Variants in XIAP observed in about 807,000 individuals in gnomAD.
The protein encoded by XIAP is X-linked inhibitor of apoptosis.
Under a neutral mutation model 33.1 loss-of-function variants are expected in XIAP, and 3 were observed. The ratio of observed to expected loss-of-function variants is 0.09; its 90% confidence interval spans 0.04 to 0.23. The LOEUF is 0.23. Among genes scored for constraint, XIAP ranks in the 10% least tolerant of loss-of-function variants. The probability of loss-of-function intolerance (pLI) is 1.00; values close to 1 mark genes in which losing one functional copy is unlikely to be tolerated. For missense variants in XIAP, 264 were observed against 363.0 expected, an observed-to-expected ratio of 0.73 and a Z score of 2.22; for synonymous variants, 98 against 121.3, an observed-to-expected ratio of 0.81 and a Z score of 1.26.
At chrX:123,905,661 T>A (rs1164664813) in intron 6 of XIAP, among the ~76,000 whole-genome samples, 1 of 112,447 alleles carries the variant, frequency 8.9e-6, no homozygotes, top group African/African-American at 3.2e-5. Flanking sequence ...CCCTAGTACC[T>A]AGAACCTAGT....
At chrX:123,864,455 GTTTTT>G (rs1162636021) in intron 1 of XIAP, among the ~76,000 whole-genome samples, 129 of 49,582 alleles carry the variant, frequency 2.6e-3, no homozygotes, top group African/African-American at 9.9e-3. Context: ...CCTTTCTTCT[GTTTTT>G]TTTTTTTTTT....
In XIAP at chrX:123,892,650, A is replaced by G. The variant is rs146811383; in HGVS notation, c.1057-81A>G. 4.3e-4 allele frequency: 356 copies of G among 833,957 alleles called. 1 individual carries two copies. In the African/African-American group the frequency reaches 6.5e-3, roughly 15 times the overall value. 68.7% of individuals were successfully genotyped at this position (833,957 alleles called of 1,213,427 possible). A position where few individuals can be genotyped will look rare whatever the true frequency, so the allele number is the denominator to read the frequency against. On this transcript the variant is annotated intron_variant, in intron 4 of 6. Transcript: ENST00000371199. ...AATAAAGCCAATTTATTTTAAATTTATGATTAATTTCACTTTTCAAATGGA... is the reference window on the plus strand; with the variant it reads ...AATAAAGCCAATTTATTTTAAATTTGTGATTAATTTCACTTTTCAAATGGA...
chrX:123,859,798 A>G (rs1248583782), upstream of XIAP: 5 of 233,415 alleles, frequency 2.1e-5, no homozygotes, highest in African/African-American at 1.5e-4. Context: ...TAGGGGTTGC[A>G]AGGGCCTCAT....
chrX:123,879,606 C>T (rs28382717), intron 1 of XIAP, among the ~76,000 whole-genome samples: 1 of 108,602 alleles, frequency 9.2e-6, no homozygotes, highest in East Asian at 3.0e-4. Context: ...TGAGCCACCG[C>T]GCCTGGCCAG....
chrX:123,864,464 T>TG (rs1444902118), intron 1 of XIAP, among the ~76,000 whole-genome samples: 2 of 88,041 alleles, frequency 2.3e-5, no homozygotes, highest in South Asian at 5.9e-4. Flanking sequence ...TGTTTTTTTT[T>TG]TTTTTTTTTT....
chrX:123,892,402 T>C (rs2053416474), intron 4 of XIAP, among the ~76,000 whole-genome samples: 1 of 110,454 alleles, frequency 9.1e-6, no homozygotes, highest in Non-Finnish European at 1.9e-5. Flanking sequence ...AATAAATTGA[T>C]AGGATGAATT....
rs764022189 is a variant in XIAP, at chrX:123,864,410, G to A, written c.-33+4117G>A. 6.6e-5 allele frequency among the ~76,000 whole-genome samples: 7 copies of A among 106,433 alleles called. No individual in the cohort carries two copies. In the South Asian group the frequency reaches 2.9e-3, roughly 44 times the overall value. 92.4% of individuals were successfully genotyped at this position (106,433 alleles called of 115,157 possible). A position where few individuals can be genotyped will look rare whatever the true frequency, so the allele number is the denominator to read the frequency against. On this transcript the variant is annotated intron_variant, in intron 1 of 6. Transcript: ENST00000371199. ...TTCCAGGCATTCATTGTAGTATGTG[G>A]TAGGATTCCAAGGATAAATATGGCA... is the stretch of plus-strand genomic sequence containing the variant.
intron 1 of XIAP, among the ~76,000 whole-genome samples, chrX:123,865,450 G>T (rs1032164902): frequency 9.0e-6 from 1 of 110,682 alleles, no homozygotes; most frequent in African/African-American, 3.3e-5. Context: ...TTTTAAGGCC[G>T]GGCGTGGTGG....
At chrX:123,906,965 A>G in intron 6 of XIAP, 23 bp from the exon 7 acceptor site, 4 of 1,207,909 alleles carry the variant, frequency 3.3e-6, no homozygotes, top group South Asian at 3.5e-5. Flanking sequence ...TAAAACTAGC[A>G]TAATTATTTT....
At chrX:123,867,802 T>C (rs2053157715) in intron 1 of XIAP, among the ~76,000 whole-genome samples, 1 of 107,365 alleles carries the variant, frequency 9.3e-6, no homozygotes, top group Non-Finnish European at 1.9e-5. Context: ...GCCTCCCAAG[T>C]AGCTGGGATT....
Position 123,909,917 on chromosome X carries a change from A to T in XIAP, c.*2736A>T, listed in dbSNP as rs12836462. On this transcript the variant is annotated 3_prime_UTR_variant, in exon 7 of 7. Transcript: ENST00000371199. ...GATCTTTTCCATCTAATTCCGCAAA[A>T]ATTGATCATTTGCAAAGTCAAAACT... The T allele has an allele frequency of 9.1e-6, 3 of 329,442 alleles. No individual in the cohort carries two copies. Among genetic ancestry groups the T allele is most frequent in the Non-Finnish European group, 1.8e-5 (3 of 169,924 alleles). 27.1% of individuals were successfully genotyped at this position (329,442 alleles called of 1,213,427 possible).
chrX:123,875,376 G>A (rs1251125185), intron 1 of XIAP, among the ~76,000 whole-genome samples: 10 of 111,092 alleles, frequency 9.0e-5, no homozygotes, highest in Non-Finnish European at 1.7e-4. Context: ...AACTAGAATG[G>A]ATGGTTCAAG....
chrX:123,861,867 T>C (rs1474594), intron 1 of XIAP, among the ~76,000 whole-genome samples: 42,204 of 110,338 alleles, frequency 0.38, 6,153 homozygotes, highest in African/African-American at 0.48. Context: ...CTTGTATTGC[T>C]CTCTCCTAAT....
At chrX:123,893,661 C>T (rs1008174276) in intron 5 of XIAP, among the ~76,000 whole-genome samples, 2 of 111,258 alleles carry the variant, frequency 1.8e-5, no homozygotes, top group African/African-American at 6.5e-5. Flanking sequence ...GCCAACATGG[C>T]GAAACCCCAT....
rs1013586018 is a variant in XIAP at position 123,889,802 on chromosome X, C to G, written c.977+1084C>G. Among the ~76,000 whole-genome samples, 5 of 109,551 alleles carry G rather than the reference C, an allele frequency of 4.6e-5. No individual in the cohort carries two copies. In the Admixed American group the frequency reaches 5.0e-4, roughly 11 times the overall value. On this transcript the variant is annotated intron_variant, in intron 3 of 6. Transcript: ENST00000371199. Reference sequence around the variant, plus strand: ...CCAAAGTGCTGGGATTACAAGCATGCTCCACCTTGCTTGGCCTCTAGATTA... The same window carrying G: ...CCAAAGTGCTGGGATTACAAGCATGGTCCACCTTGCTTGGCCTCTAGATTA...
Position 123,860,152 on chromosome X carries a change from GTTTCCT to G in XIAP, c.-172_-167del, listed in dbSNP as rs1450138411. 1 of 329,870 alleles carries G rather than the reference GTTTCCT, an allele frequency of 3.0e-6. No individual in the cohort carries two copies. The highest frequency in any genetic ancestry group is 3.1e-5 in the Admixed American group (1 of 32,363). 27.2% of individuals were successfully genotyped at this position (329,870 alleles called of 1,213,427 possible). On this transcript the variant is annotated 5_prime_UTR_variant, in exon 1 of 7. Coordinates refer to ENST00000371199, the MANE Select transcript of XIAP (RefSeq NM_001167.4). ...GCGTGAGGGAGACGAAGGGACTTCC[GTTTCCT>G]TCACCTAGGCTGGGGCCAAGCCGCA... is the stretch of plus-strand genomic sequence containing the variant.
chrX:123,867,896 G>A (rs895077356), intron 1 of XIAP, among the ~76,000 whole-genome samples: 2 of 110,176 alleles, frequency 1.8e-5, no homozygotes, highest in Non-Finnish European at 1.9e-5. Flanking sequence ...GGCTGGTCTC[G>A]AACTCCTGAC....
chrX:123,913,506 ACATTAATGTTTGGGTGGTCAG>A lies in XIAP; in HGVS notation c.*6326_*6346del, dbSNP rs1481491501. 10 of 327,598 alleles carry A rather than the reference ACATTAATGTTTGGGTGGTCAG, an allele frequency of 3.1e-5. No homozygotes were observed. Among genetic ancestry groups the A allele is most frequent in the Non-Finnish European group, 5.9e-5 (10 of 169,675 alleles). The allele number at this position is 327,598 out of a possible 1,213,427, so 27.0% of individuals were successfully genotyped here. A position where few individuals can be genotyped will look rare whatever the true frequency, so the allele number is the denominator to read the frequency against. On this transcript the variant is annotated 3_prime_UTR_variant, in exon 7 of 7. Transcript: ENST00000371199. ...AAAACAAAAAAATTAGACAAATGCT[ACATTAATGTTTGGGTGGTCAG>A]ATTCTACTTTGAATCTGAAGTTTGC...
chrX:123,877,701 C>T (rs2053258595), intron 1 of XIAP, among the ~76,000 whole-genome samples: 2 of 111,657 alleles, frequency 1.8e-5, no homozygotes, highest in Non-Finnish European at 3.8e-5. Context: ...TAGCCACGCA[C>T]GGTGGCTCAC....
Sources: allele counts gnomAD v4.1 joint callset (sites outside exome capture counted in the v4.1 genomes callset), GRCh38; gene constraint gnomAD v4.1.1; transcripts MANE v1.5; gene names NCBI Gene and HGNC (gene_info 2026-07-23, HGNC 2026-07-21).